The following EIF3G variants were observed in gnomAD, a reference collection of about 807,000 sequenced individuals.
EIF3G encodes the protein eukaryotic translation initiation factor 3 subunit G.
Under a neutral mutation model 41.7 loss-of-function variants are expected in EIF3G, and 10 were observed. The observed-to-expected ratio is 0.24, with a 90% CI of 0.15 to 0.41. EIF3G has a LOEUF of 0.41. Among genes scored for constraint, EIF3G ranks in the 10% least tolerant of loss-of-function variants. EIF3G has a pLI of 1.00. For synonymous variants in EIF3G, 204 were observed against 172.5 expected, an observed-to-expected ratio of 1.18 and a Z score of -1.43; for missense variants, 297 against 444.0, an observed-to-expected ratio of 0.67 and a Z score of 2.98.
Position 10,115,045 on chromosome 19 carries a change from G to C in EIF3G, c.*69C>G, listed in dbSNP as rs2089214408. 6.2e-7 allele frequency: 1 copy of C among 1,605,478 alleles called. No homozygotes were observed. The highest frequency in any genetic ancestry group is 8.5e-7 in the Non-Finnish European group (1 of 1,174,792). On this transcript the variant is annotated 3_prime_UTR_variant, in exon 11 of 11. Transcript: ENST00000253108. ...GAGTGGAGCTGCTTTATTGCCCTTG[G>C]AGCCCGCGCTCTCGGAGGCTGTCTT... is the stretch of plus-strand genomic sequence containing the variant.
Position 10,115,678 on chromosome 19 carries a change from GC to G in EIF3G, c.840+5del, listed in dbSNP as rs1555764436. 1.2e-6 allele frequency: 2 copies of G among 1,603,564 alleles called. No homozygotes were observed. The highest frequency in any genetic ancestry group is 1.3e-5 in the African/African-American group (1 of 74,600). ...ACAGCCCCACCGTGCCTGCCTGCCT[GC>G]CCACCTTGGATTGGCCAGTGGTCTT... On this transcript the variant is annotated splice_donor_5th_base_variant and intron_variant, in intron 9 of 10. Coordinates refer to ENST00000253108, the MANE Select transcript of EIF3G (RefSeq NM_003755.5).
Position 10,119,861 on chromosome 19 carries a change from G to A in EIF3G, c.-2C>T. The stretch of plus-strand genomic sequence containing the variant: ...TCACTCAAAGTCTCCAGTAGGCATC[G>A]CAAAAAGTATTCTCCACGCAGCCCA... On this transcript the variant is annotated 5_prime_UTR_variant, in exon 1 of 11. Transcript: ENST00000253108. The A allele has an allele frequency of 6.2e-7, 1 of 1,614,130 alleles. No individual in the cohort carries two copies. The highest frequency in any genetic ancestry group is 8.5e-7 in the Non-Finnish European group (1 of 1,180,024).
chr19:10,117,910 G>A (rs867372587), intron 5 of EIF3G, among the ~76,000 whole-genome samples: 11 of 151,866 alleles, frequency 7.2e-5, no homozygotes, highest in Non-Finnish European at 1.3e-4. Context: ...AAAATTAGCC[G>A]GTGTGGCAGT....
At position 10,118,656 on chromosome 19, in the gene EIF3G, GA is replaced by G; in HGVS notation, c.300+11del. 1.2e-6 allele frequency: 2 copies of G among 1,613,802 alleles called. No homozygotes were observed. The highest frequency in any genetic ancestry group is 8.5e-7 in the Non-Finnish European group (1 of 1,179,894). On this transcript the variant is annotated intron_variant, in intron 5 of 10. Transcript: ENST00000253108. ...ATTCCTCTAGGTTAGCCCTGGGGAA[GA>G]AGAGCCTCACCTTCCTCCTTGCGAC...
At chr19:10,115,446 G>A (rs764109550) in intron 10 of EIF3G, 33 bp downstream of exon 10, 30 of 1,578,988 alleles carry the variant, frequency 1.9e-5, no homozygotes, top group South Asian at 2.3e-5. Context: ...GACAAGGCAG[G>A]GAGCAGGGGC....
chr19:10,115,240 C>T (rs994657427), intron 10 of EIF3G, 111 bp from the exon 11 acceptor site: 17 of 1,410,360 alleles, frequency 1.2e-5, no homozygotes, highest in Middle Eastern at 2.2e-4. Flanking sequence ...AATGTGAGGA[C>T]GAAGCGGGCA....
At position 10,116,680 on chromosome 19, in the gene EIF3G, G is replaced by A. The variant is rs566868541; in HGVS notation, c.595+120C>T. 28 of 1,014,530 alleles carry A rather than the reference G, an allele frequency of 2.8e-5. No homozygotes were observed. The highest frequency in any genetic ancestry group is 1.8e-4 in the African/African-American group (11 of 62,332). The allele number at this position is 1,014,530 out of a possible 1,614,324, so 62.8% of individuals were successfully genotyped here. A position where few individuals can be genotyped will look rare whatever the true frequency, so the allele number is the denominator to read the frequency against. ...TACAGCCAATTAGGAAGGCACAGACGCCCCGAGGAGAGTCTGGCACCATCA... is the reference window on the plus strand; with the variant it reads ...TACAGCCAATTAGGAAGGCACAGACACCCCGAGGAGAGTCTGGCACCATCA... On this transcript the variant is annotated intron_variant, in intron 7 of 10. Coordinates refer to ENST00000253108, the MANE Select transcript of EIF3G (RefSeq NM_003755.5). This position sits in a 1 kb window ranked among gnomAD's most constrained non-coding sequence, Gnocchi z 4.1.
chr19:10,118,332 T>C (rs2089276295), intron 5 of EIF3G: 6 of 321,682 alleles, frequency 1.9e-5, no homozygotes, highest in South Asian at 1.6e-4. Context: ...TTGGGAGGCC[T>C]AGGTGCGCAG....
Position 10,116,709 on chromosome 19 carries a change from C to T in EIF3G, c.595+91G>A. Reference sequence around the variant, plus strand: ...CGAGGAGAGTCTGGCACCATCAAACCCGCTGCACTGTCGTGCGGGAGATGA... The same window carrying T: ...CGAGGAGAGTCTGGCACCATCAAACTCGCTGCACTGTCGTGCGGGAGATGA... On this transcript the variant is annotated intron_variant, in intron 7 of 10. Coordinates refer to ENST00000253108, the MANE Select transcript of EIF3G (RefSeq NM_003755.5). The surrounding 1 kb of genome is among the most constrained non-coding windows in gnomAD (Gnocchi z 4.1). The T allele has an allele frequency of 7.4e-7, 1 of 1,348,328 alleles. No homozygotes were observed. Among genetic ancestry groups the T allele is most frequent in the Non-Finnish European group, 1.0e-6 (1 of 995,360 alleles). 83.5% of individuals were successfully genotyped at this position (1,348,328 alleles called of 1,614,324 possible). A position where few individuals can be genotyped will look rare whatever the true frequency, so the allele number is the denominator to read the frequency against.
intron 10 of EIF3G, 25 bp downstream of exon 10, chr19:10,115,454 G>A: frequency 6.3e-7 from 1 of 1,588,646 alleles, no homozygotes; most frequent in Non-Finnish European, 8.6e-7. Context: ...AGGGAGCAGG[G>A]GCTGGGGCAG....
chr19:10,119,655 G>A lies in EIF3G; in HGVS notation c.66C>T (p.Asp22=). ...CCCCGGGCGACCGTGTACACTTACC[G>A]TCCTCCCCCTCCTCCTCCACCTGGT... ...WADQVEEEGE[D]DKCVTSELLK... is the part of the protein sequence containing the mutation. The change falls in exon 2 of 11, where the codon GAC becomes GAT. Residue 22 remains aspartate, a splice_region_variant and synonymous_variant. Transcript: ENST00000253108. The A allele has an allele frequency of 7.0e-6, 11 of 1,573,174 alleles. No homozygotes were observed. Among genetic ancestry groups the A allele is most frequent in the Non-Finnish European group, 9.5e-6 (11 of 1,157,578 alleles).
Position 10,115,067 on chromosome 19 carries a change from T to G in EIF3G, c.*47A>C. On this transcript the variant is annotated 3_prime_UTR_variant, in exon 11 of 11. Coordinates refer to ENST00000253108, the MANE Select transcript of EIF3G (RefSeq NM_003755.5). ...TTGGAGCCCGCGCTCTCGGAGGCTG[T>G]CTTCTGTCGCCAAGGGTCCCGGACC... 1.2e-6 allele frequency: 2 copies of G among 1,613,386 alleles called. No homozygotes were observed. Among genetic ancestry groups the G allele is most frequent in the African/African-American group, 1.3e-5 (1 of 75,042 alleles).
At chr19:10,119,784 A>G in intron 1 of EIF3G, 56 bp downstream of exon 1, 9 of 1,614,082 alleles carry the variant, frequency 5.6e-6, no homozygotes, top group Non-Finnish European at 7.6e-6. Flanking sequence ...GCCCCATAAT[A>G]CTTCCCAGAG....
chr19:10,116,880 T>C lies in EIF3G; in HGVS notation c.515A>G (p.Lys172Arg). 1 of 1,613,770 alleles carries C rather than the reference T, an allele frequency of 6.2e-7. No homozygotes were observed. Among genetic ancestry groups the C allele is most frequent in the Non-Finnish European group, 8.5e-7 (1 of 1,179,852 alleles). The change falls in exon 7 of 11, where the codon AAG becomes AGG. Residue 172 changes from lysine to arginine, a missense_variant. Physicochemically the swap from Lys to Arg is conservative, Grantham distance 26 (BLOSUM62 2). This residue lies in a region of EIF3G where 26 missense variants were observed against 80.8 expected (regional missense o/e 0.32). Transcript: ENST00000253108. This position sits in a 1 kb window ranked among gnomAD's most constrained non-coding sequence, Gnocchi z 4.1. The part of the protein sequence containing the change: ...GDHWTTRCPY[K>R]DTLGPMQKEL... ...CTTCTGCATGGGCCCCAGCGTATCC[T>C]TGTAGGGGCAGCGGGTGGTCCAGTG... is the stretch of plus-strand genomic sequence containing the variant.
At chr19:10,118,507 G>T in intron 5 of EIF3G, 161 bp downstream of exon 5, 2 of 740,144 alleles carry the variant, frequency 2.7e-6, no homozygotes, top group Non-Finnish European at 2.2e-6. Context: ...GGAGGTTGCA[G>T]TGAGTCGAGA....
intron 5 of EIF3G, chr19:10,118,409 T>G: frequency 2.4e-6 from 1 of 414,038 alleles, no homozygotes; most frequent in Non-Finnish European, 4.2e-6. Context: ...CTACTAAAAG[T>G]ACAAAAATTA....
chr19:10,115,916 G>C, intron 8 of EIF3G, 51 bp downstream of exon 8: 1 of 1,605,030 alleles, frequency 6.2e-7, no homozygotes, highest in Non-Finnish European at 8.5e-7. Context: ...GGATAATTAC[G>C]AGGTGCCGGG....
Position 10,115,058 on chromosome 19 carries a change from C to A in EIF3G, c.*56G>T, listed in dbSNP as rs994732666. On this transcript the variant is annotated 3_prime_UTR_variant, in exon 11 of 11. Transcript: ENST00000253108. ...TTATTGCCCTTGGAGCCCGCGCTCT[C>A]GGAGGCTGTCTTCTGTCGCCAAGGG... The A allele has an allele frequency of 1.2e-6, 2 of 1,612,188 alleles. No individual in the cohort carries two copies. The highest frequency in any genetic ancestry group is 2.2e-5 in the East Asian group (1 of 44,854).
intron 5 of EIF3G, 82 bp from the exon 6 acceptor site, chr19:10,117,270 C>T: frequency 2.0e-6 from 2 of 1,011,812 alleles, no homozygotes; most frequent in African/African-American, 1.6e-5. Flanking sequence ...CCTACAACAG[C>T]CACCCCCAGA....
Sources: gnomAD v4.1 joint callset for allele counts (sites outside exome capture counted in the v4.1 genomes callset) on GRCh38, gnomAD v4.1.1 for gene constraint, gnomAD v4.1.1 regional missense constraint, Gnocchi (gnomAD v3.1) non-coding constraint, MANE v1.5 for transcripts, NCBI Gene and HGNC (gene_info 2026-07-23, HGNC 2026-07-21) for gene names.